AHCYL2: variants seen among roughly 807,000 people sequenced by gnomAD.
AHCYL2 encodes S-adenosylhomocysteine hydrolase-like protein 2.
A neutral mutation model predicts 81.4 loss-of-function variants in AHCYL2; 28 were observed. That is an observed-to-expected ratio of 0.34 (90% CI 0.25 to 0.47). AHCYL2 has a LOEUF of 0.47. Among genes scored for constraint, AHCYL2 ranks in the 20% least tolerant of loss-of-function variants. AHCYL2 has a pLI of 1.00. For synonymous variants in AHCYL2, 272 were observed against 290.2 expected (o/e 0.94, Z 0.64); for missense variants, 551 against 785.1 (o/e 0.70, Z 3.56).
chr7:129,256,645 A>AT (rs1362256289), intron 1 of AHCYL2, among the ~76,000 whole-genome samples: 4 of 149,498 alleles, frequency 2.7e-5, no homozygotes, highest in Non-Finnish European at 1.5e-5. Flanking sequence ...TTATGTAACC[A>AT]GTTTTTTATT....
intron 11 of AHCYL2, among the ~76,000 whole-genome samples, chr7:129,412,051 G>T (rs1664337770): frequency 6.6e-6 from 1 of 151,748 alleles, no homozygotes; most frequent in African/African-American, 2.4e-5. Context: ...TAGTAACTTT[G>T]TTTTTAACAT....
chr7:129,379,262 A>C (rs1278034667), intron 1 of AHCYL2, among the ~76,000 whole-genome samples: 1 of 151,466 alleles, frequency 6.6e-6, no homozygotes, highest in Non-Finnish European at 1.5e-5. Flanking sequence ...CCTGGGTGAC[A>C]GAGTAAAAGT....
chr7:129,366,033 C>T (rs1387945006), intron 1 of AHCYL2, among the ~76,000 whole-genome samples: 1 of 152,110 alleles, frequency 6.6e-6, no homozygotes, highest in Non-Finnish European at 1.5e-5. Context: ...AGACAGAGGA[C>T]AATAATTAGA....
intron 1 of AHCYL2, among the ~76,000 whole-genome samples, chr7:129,335,373 TAAAA>T (rs757453356): frequency 8.1e-6 from 1 of 123,156 alleles, no homozygotes; most frequent in African/African-American, 3.0e-5. Flanking sequence ...AGACCCTGTC[TAAAA>T]AAAAAAAAAA....
intron 1 of AHCYL2, among the ~76,000 whole-genome samples, chr7:129,248,493 C>A (rs1395230945): frequency 7.4e-6 from 1 of 134,766 alleles, no homozygotes; most frequent in African/African-American, 2.7e-5. Context: ...TGTGTTGTTA[C>A]TATTTTTTCT....
At chr7:129,321,880 A>T (rs1798046966) in intron 1 of AHCYL2, among the ~76,000 whole-genome samples, 1 of 149,592 alleles carries the variant, frequency 6.7e-6, no homozygotes, top group Admixed American at 6.7e-5. Flanking sequence ...GGTTCAAGCG[A>T]TCCTCCTGCC....
rs1246254653 is a variant in AHCYL2 at position 129,425,089 on chromosome 7, T to C, written c.1656T>C (p.Asn552=). The change falls in exon 15 of 17, where the codon AAT becomes AAC. Residue 552 remains asparagine (N), a synonymous_variant. Coordinates refer to ENST00000325006, the MANE Select transcript of AHCYL2 (RefSeq NM_015328.4). ...TQALALIELY[N]APEGRYKQDV... ...CTCTTGCCTTGATAGAGCTTTACAA[T>C]GCTCCTGAGGGTCGCTATAAGCAGG... 2 of 1,613,856 alleles carry C rather than the reference T, an allele frequency of 1.2e-6. No individual in the cohort carries two copies. The highest frequency in any genetic ancestry group is 3.3e-5 in the Admixed American group (2 of 60,028).
intron 2 of AHCYL2, among the ~76,000 whole-genome samples, chr7:129,382,507 T>C (rs889948984): frequency 2.0e-5 from 3 of 148,942 alleles, no homozygotes; most frequent in African/African-American, 7.4e-5. Context: ...GTCTGAGGCA[T>C]GAGAATCGCT....
intron 3 of AHCYL2, 113 bp downstream of exon 3, chr7:129,389,312 T>A: frequency 7.8e-7 from 1 of 1,283,836 alleles, no homozygotes; most frequent in Non-Finnish European, 1.1e-6. Flanking sequence ...GTGATAAGAA[T>A]ACTTATAACA....
At chr7:129,274,408 T>C (rs1357448471) in intron 1 of AHCYL2, among the ~76,000 whole-genome samples, 1 of 152,174 alleles carries the variant, frequency 6.6e-6, no homozygotes, top group Non-Finnish European at 1.5e-5. Flanking sequence ...AATGAGACTT[T>C]TGAAGGTCTT....
intron 1 of AHCYL2, among the ~76,000 whole-genome samples, chr7:129,234,820 C>A (rs1794582164): frequency 6.6e-6 from 1 of 152,170 alleles, no homozygotes; most frequent in African/African-American, 2.4e-5. Context: ...GAATTTCTTC[C>A]TTTGGTTTAT....
intron 1 of AHCYL2, among the ~76,000 whole-genome samples, chr7:129,230,026 A>G (rs921239339): frequency 6.6e-6 from 1 of 151,578 alleles, no homozygotes; most frequent in East Asian, 1.9e-4. Flanking sequence ...GAATATTCCT[A>G]CTGTATACCA....
At chr7:129,305,197 C>T (rs1355025575) in intron 1 of AHCYL2, among the ~76,000 whole-genome samples, 2 of 152,192 alleles carry the variant, frequency 1.3e-5, no homozygotes, top group East Asian at 1.9e-4. Flanking sequence ...CATGGTGGCT[C>T]ATGCCTGTAA....
chr7:129,249,465 C>CCGGACTG (rs1465768188), intron 1 of AHCYL2, among the ~76,000 whole-genome samples: 4 of 151,838 alleles, frequency 2.6e-5, no homozygotes, highest in African/African-American at 9.7e-5. Flanking sequence ...GTCGCCCAGG[C>CCGGACTG]CGGACTGCGG....
Position 129,368,308 on chromosome 7 carries a change from A to G in AHCYL2, c.364-11330A>G. ...TGAAGCCGGCCAGTAAGGGGTTGTCAGGCAGTTGACTAATGCTCTTGATTT... is the reference window on the plus strand; with the variant it reads ...TGAAGCCGGCCAGTAAGGGGTTGTCGGGCAGTTGACTAATGCTCTTGATTT... On this transcript the variant is annotated intron_variant, in intron 1 of 16. Coordinates refer to ENST00000325006, the MANE Select transcript of AHCYL2 (RefSeq NM_015328.4). This position sits in a 1 kb window ranked among gnomAD's most constrained non-coding sequence, Gnocchi z 4.4. 7.0e-7 allele frequency: 1 copy of G among 1,435,112 alleles called. No homozygotes were observed. The highest frequency in any genetic ancestry group is 9.1e-7 in the Non-Finnish European group (1 of 1,094,370). The allele number at this position is 1,435,112 out of a possible 1,614,324, so 88.9% of individuals were successfully genotyped here. A position where few individuals can be genotyped will look rare whatever the true frequency, so the allele number is the denominator to read the frequency against.
intron 1 of AHCYL2, among the ~76,000 whole-genome samples, chr7:129,247,123 A>G (rs2150697650): frequency 6.6e-6 from 1 of 152,302 alleles, no homozygotes; most frequent in East Asian, 1.9e-4. Flanking sequence ...TTTATGTGTA[A>G]TTATTTCATA....
chr7:129,257,471 C>CA, intron 1 of AHCYL2, among the ~76,000 whole-genome samples: 1 of 151,936 alleles, frequency 6.6e-6, no homozygotes, highest in East Asian at 1.9e-4. Flanking sequence ...GGTGGAGGGG[C>CA]AAAAGGGTCT....
chr7:129,239,951 C>T (rs569577066), intron 1 of AHCYL2, among the ~76,000 whole-genome samples: 140 of 152,110 alleles, frequency 9.2e-4, no homozygotes, highest in Non-Finnish European at 1.5e-3. Context: ...TGGCCGGACG[C>T]GGTGGCTCAC....
At chr7:129,245,025 CTTT>C (rs11457350) in intron 1 of AHCYL2, among the ~76,000 whole-genome samples, 18 of 115,732 alleles carry the variant, frequency 1.6e-4, no homozygotes, top group Admixed American at 1.8e-4. Context: ...GTAGAATATT[CTTT>C]TTTTTTTTTT....
Sources: gnomAD v4.1 joint callset for allele counts (sites outside exome capture counted in the v4.1 genomes callset) on GRCh38, gnomAD v4.1.1 for gene constraint, Gnocchi (gnomAD v3.1) non-coding constraint, MANE v1.5 for transcripts, NCBI Gene and HGNC (gene_info 2026-07-23, HGNC 2026-07-21) for gene names.